THRB: variants seen among roughly 807,000 people sequenced by gnomAD.
THRB encodes the protein thyroid hormone receptor beta.
THRB carries 12 observed loss-of-function variants against 47.8 expected under a neutral mutation model. The observed-to-expected ratio is 0.25, with a 90% CI of 0.16 to 0.41. The LOEUF (loss-of-function observed/expected upper bound fraction) is 0.41, where lower values mean the gene tolerates loss of function less well. THRB is among the 10% of genes least tolerant of loss of function. THRB has a pLI of 1.00. For missense variants in THRB, 348 were observed against 589.2 expected, an observed-to-expected ratio of 0.59 and a Z score of 4.24; for synonymous variants, 218 against 212.2, an observed-to-expected ratio of 1.03 and a Z score of -0.24.
At chr3:24,419,026 G>A (rs1426593894) in intron 1 of THRB, among the ~76,000 whole-genome samples, 1 of 151,826 alleles carries the variant, frequency 6.6e-6, no homozygotes, top group Non-Finnish European at 1.5e-5. Context: ...ATAAATCATG[G>A]GCATTCTTGT....
chr3:24,305,145 T>G (rs1204929623), intron 2 of THRB, among the ~76,000 whole-genome samples: 1 of 152,200 alleles, frequency 6.6e-6, no homozygotes, highest in Non-Finnish European at 1.5e-5. Context: ...ATTTTATGAA[T>G]TATATAGATC....
At chr3:24,293,474 AAAG>A (rs1359547473) in intron 3 of THRB, among the ~76,000 whole-genome samples, 2 of 152,242 alleles carry the variant, frequency 1.3e-5, no homozygotes, top group African/African-American at 4.8e-5. Flanking sequence ...GCAAAAAAGA[AAAG>A]AAGACAATAT....
chr3:24,484,820 C>T (rs1194572991), intron 1 of THRB, among the ~76,000 whole-genome samples: 1 of 152,174 alleles, frequency 6.6e-6, no homozygotes, highest in Non-Finnish European at 1.5e-5. Context: ...TTGCCAACCC[C>T]TGGGCTAAAG....
intron 3 of THRB, among the ~76,000 whole-genome samples, chr3:24,282,988 G>A (rs1095483): frequency 0.61 from 90,707 of 149,828 alleles, 28,724 homozygotes; most frequent in Middle Eastern, 0.8. Flanking sequence ...ATTCACAGCC[G>A]AATTCTACCA....
intron 4 of THRB, among the ~76,000 whole-genome samples, chr3:24,205,003 T>C (rs1010976252): frequency 1.3e-5 from 2 of 152,150 alleles, no homozygotes; most frequent in African/African-American, 4.8e-5. Context: ...TGGGACTATA[T>C]GAAAAGACCA....
intron 3 of THRB, among the ~76,000 whole-genome samples, chr3:24,268,968 T>C (rs2052948949): frequency 6.6e-6 from 1 of 152,200 alleles, no homozygotes; most frequent in African/African-American, 2.4e-5. Context: ...CCCTTCTGGG[T>C]AGGCACCATT....
intron 1 of THRB, among the ~76,000 whole-genome samples, chr3:24,337,866 A>T (rs112990921): frequency 0.031 from 4,742 of 152,258 alleles, 91 homozygotes; most frequent in African/African-American, 0.052. Flanking sequence ...GTTCCTCATC[A>T]GGGTATGAAT....
At chr3:24,289,210 G>T (rs910333860) in intron 3 of THRB, among the ~76,000 whole-genome samples, 3 of 152,150 alleles carry the variant, frequency 2.0e-5, no homozygotes, top group Non-Finnish European at 2.9e-5. Flanking sequence ...TTAAAGAAAT[G>T]AAACACGTAG....
intron 1 of THRB, among the ~76,000 whole-genome samples, chr3:24,429,502 G>A (rs1417483810): frequency 6.6e-6 from 1 of 151,938 alleles, no homozygotes; most frequent in Non-Finnish European, 1.5e-5. Context: ...TGTCACTTGA[G>A]GAAATGGTAT....
intron 2 of THRB, among the ~76,000 whole-genome samples, chr3:24,299,203 G>A (rs1576649278): frequency 7.3e-6 from 1 of 136,188 alleles, no homozygotes; most frequent in Admixed American, 8.1e-5. Context: ...AGCCGAGATA[G>A]TGCCACTGCA....
chr3:24,315,360 T>C (rs1191023371), intron 2 of THRB, among the ~76,000 whole-genome samples: 1 of 152,164 alleles, frequency 6.6e-6, no homozygotes, highest in Non-Finnish European at 1.5e-5. Context: ...TCTAAACAAA[T>C]AAACCACCTG....
At chr3:24,464,370 A>G (rs928360009) in intron 1 of THRB, among the ~76,000 whole-genome samples, 1 of 152,238 alleles carries the variant, frequency 6.6e-6, no homozygotes, top group Non-Finnish European at 1.5e-5. Context: ...CAAATAATCA[A>G]TGGTGATGAC....
At chr3:24,296,966 T>C (rs2056499836) in intron 3 of THRB, among the ~76,000 whole-genome samples, 2 of 152,212 alleles carry the variant, frequency 1.3e-5, no homozygotes, top group African/African-American at 4.8e-5. Flanking sequence ...GGAGCAACTT[T>C]CACTTCCTTC....
intron 5 of THRB, among the ~76,000 whole-genome samples, chr3:24,187,007 G>A (rs1222500234): frequency 1.4e-5 from 2 of 144,362 alleles, no homozygotes; most frequent in African/African-American, 5.1e-5. Flanking sequence ...ACCTTAGATA[G>A]CTACCCAAAA....
chr3:24,321,287 C>A (rs903753457), intron 2 of THRB, among the ~76,000 whole-genome samples: 2 of 152,094 alleles, frequency 1.3e-5, no homozygotes, highest in Non-Finnish European at 2.9e-5. Flanking sequence ...GGCCCAAAAG[C>A]AGGGTCTCTT....
intron 3 of THRB, among the ~76,000 whole-genome samples, chr3:24,265,860 A>G (rs1360235130): frequency 6.6e-6 from 1 of 152,330 alleles, no homozygotes; most frequent in East Asian, 1.9e-4. Flanking sequence ...GCAACAAAAT[A>G]AAAATGATAT....
intron 1 of THRB, among the ~76,000 whole-genome samples, chr3:24,392,546 T>G (rs2066652922): frequency 1.3e-5 from 2 of 152,234 alleles, no homozygotes; most frequent in South Asian, 4.1e-4. Flanking sequence ...CCTAAAAAAT[T>G]TAAAGTTATA....
At chr3:24,378,586 G>A (rs1041046364) in intron 1 of THRB, among the ~76,000 whole-genome samples, 1 of 152,074 alleles carries the variant, frequency 6.6e-6, no homozygotes, top group Non-Finnish European at 1.5e-5. Flanking sequence ...CTGCCATGAC[G>A]GTGCTCAAGG....
chr3:24,391,036 A>C (rs776113392), intron 1 of THRB, among the ~76,000 whole-genome samples: 1 of 152,082 alleles, frequency 6.6e-6, no homozygotes, highest in Non-Finnish European at 1.5e-5. Flanking sequence ...TCACAGGCAG[A>C]GTGCAGGTGC....
Sources: allele counts gnomAD v4.1 joint callset (sites outside exome capture counted in the v4.1 genomes callset), GRCh38; gene constraint gnomAD v4.1.1; transcripts MANE v1.5; gene names NCBI Gene and HGNC (gene_info 2026-07-23, HGNC 2026-07-21).